The following SLC30A6 variants were observed in gnomAD, a reference collection of about 807,000 sequenced individuals.
SLC30A6 encodes the protein zinc transporter 6.
Under a neutral mutation model 63.0 loss-of-function variants are expected in SLC30A6, and 55 were observed. The ratio of observed to expected loss-of-function variants is 0.87; its 90% CI spans 0.70 to 1.09. The LOEUF is 1.09. Among genes scored for constraint, SLC30A6 ranks in the 50% least tolerant of loss-of-function variants. SLC30A6 has a pLI of 0.00. For synonymous variants in SLC30A6, 224 were observed against 186.1 expected, an observed-to-expected ratio of 1.20 and a Z score of -1.66; for missense variants, 587 against 549.2, an observed-to-expected ratio of 1.07 and a Z score of -0.69.
chr2:32,207,786 C>T (rs1573397424), intron 12 of SLC30A6, among the ~76,000 whole-genome samples: 1 of 150,370 alleles, frequency 6.7e-6, no homozygotes, highest in South Asian at 2.1e-4. Context: ...CTGCAACCTC[C>T]GCCTCCTGAG....
intron 13 of SLC30A6, among the ~76,000 whole-genome samples, chr2:32,215,505 T>TAC (rs1685619257): frequency 4.4e-5 from 4 of 91,848 alleles, no homozygotes; most frequent in Admixed American, 3.3e-4. Flanking sequence ...ATCTATTATA[T>TAC]ATATATATAT....
chr2:32,197,460 G>A, intron 9 of SLC30A6, 68 bp downstream of exon 9: 2 of 1,463,506 alleles, frequency 1.4e-6, no homozygotes, highest in Non-Finnish European at 1.9e-6. Flanking sequence ...ATCTATCATG[G>A]GAACTTAAAT....
chr2:32,202,600 G>T, intron 10 of SLC30A6: 1 of 440,204 alleles, frequency 2.3e-6, no homozygotes, highest in Non-Finnish European at 4.3e-6. Flanking sequence ...CAAAGTGCTG[G>T]GATTGCAGGC....
At chr2:32,212,997 C>G (rs1310330023) in intron 13 of SLC30A6, among the ~76,000 whole-genome samples, 1 of 147,448 alleles carries the variant, frequency 6.8e-6, no homozygotes, top group East Asian at 2.0e-4. Flanking sequence ...TCTCAAATGT[C>G]TGGGCTCAGA....
chr2:32,203,899 C>T (rs1410131448), intron 10 of SLC30A6: 47 of 907,260 alleles, frequency 5.2e-5, no homozygotes, highest in Non-Finnish European at 8.2e-5. Flanking sequence ...GTCAGTTAGA[C>T]AGAGTCCACA....
In SLC30A6 at chr2:32,215,517, T is replaced by TATATA. The variant is rs1553339788; in HGVS notation, c.886-4696_886-4695insATATA. Among the ~76,000 whole-genome samples, 633 of 89,374 alleles carry TATATA rather than the reference T, an allele frequency of 7.1e-3. 5 individuals carry two copies. The highest frequency in any genetic ancestry group is 0.036 in the Middle Eastern group (7 of 192). The allele number at this position is 89,374 out of a possible 152,430, so 58.6% of individuals were successfully genotyped here. On this transcript the variant is annotated intron_variant, in intron 13 of 13. Transcript: ENST00000282587. ...GCCATCTATTATATATATATATATATTTTTTTTTTTTTTTTAAGTTCTTAT... is the reference window on the plus strand; with the variant it reads ...GCCATCTATTATATATATATATATATATATATTTTTTTTTTTTTTTAAGTTCTTAT...
At chr2:32,169,388 G>A (rs1680978633) in intron 1 of SLC30A6, among the ~76,000 whole-genome samples, 1 of 151,938 alleles carries the variant, frequency 6.6e-6, no homozygotes, top group African/African-American at 2.4e-5. Flanking sequence ...TATTTCCTAG[G>A]CTGGTCTTGA....
chr2:32,193,970 T>C lies in SLC30A6; in HGVS notation c.483T>C (p.Ala161=). 3 of 1,612,542 alleles carry C rather than the reference T, an allele frequency of 1.9e-6. No homozygotes were observed. The highest frequency in any genetic ancestry group is 2.5e-6 in the Non-Finnish European group (3 of 1,179,192). Residue 161 remains alanine, a synonymous_variant, in exon 8 of 14, where the codon GCT becomes GCC. Transcript: ENST00000282587. Reference sequence around the variant, plus strand: ...TTTCTATTCGGAATAAACCTTTTGCTTATGTCTCAGAAGGTATGTTTTTTA... The same window carrying C: ...TTTCTATTCGGAATAAACCTTTTGCCTATGTCTCAGAAGGTATGTTTTTTA... ...TMLSIRNKPF[A]YVSEAASTSW... is the part of the protein sequence containing the mutation.
chr2:32,201,882 T>C (rs1167755205), intron 10 of SLC30A6: 6 of 1,451,624 alleles, frequency 4.1e-6, no homozygotes, highest in Non-Finnish European at 5.7e-6. Flanking sequence ...ATTACCTGGA[T>C]GCTCCCAAGA....
In SLC30A6 at chr2:32,175,827, G is replaced by T. The variant is rs114619308; in HGVS notation, c.218+466G>T. Among the ~76,000 whole-genome samples the T allele has an allele frequency of 4.6e-3, 706 of 152,076 alleles. 2 individuals carry two copies. The highest frequency in any genetic ancestry group is 7.9e-3 in the Non-Finnish European group (539 of 67,984). ...CCCGTCTCTACTAAAAATACAAATA[G>T]CCAGGCATGGTGGTGTATGCCTGTA... On this transcript the variant is annotated intron_variant, in intron 4 of 13. Transcript: ENST00000282587.
intron 10 of SLC30A6, chr2:32,203,341 A>G: frequency 3.3e-6 from 3 of 918,040 alleles, no homozygotes; most frequent in Non-Finnish European, 5.5e-6. Flanking sequence ...TTAAATGTGT[A>G]GGTATTCCTT....
chr2:32,216,579 A>AAAT (rs34876951), intron 13 of SLC30A6, among the ~76,000 whole-genome samples: 78 of 138,618 alleles, frequency 5.6e-4, no homozygotes, highest in Admixed American at 8.8e-4. Context: ...ATAAATAAAT[A>AAAT]AATAATAATA....
intron 13 of SLC30A6, among the ~76,000 whole-genome samples, chr2:32,212,885 G>T (rs1685370762): frequency 7.6e-6 from 1 of 132,068 alleles, no homozygotes; most frequent in Admixed American, 8.4e-5. Flanking sequence ...GTGAGCCACT[G>T]TGTCCAGCAT....
intron 13 of SLC30A6, among the ~76,000 whole-genome samples, chr2:32,215,869 T>TTTG (rs756271061): frequency 2.0e-5 from 3 of 151,614 alleles, no homozygotes; most frequent in Non-Finnish European, 4.4e-5. Context: ...GCTAATTTAT[T>TTTG]TTTTATAACG....
Position 32,222,513 on chromosome 2 carries a change from A to C in SLC30A6, c.*1800A>C, listed in dbSNP as rs1032134700. 3.3e-5 allele frequency: 5 copies of C among 152,136 alleles called. No homozygotes were observed. The highest frequency in any genetic ancestry group is 5.9e-5 in the Non-Finnish European group (4 of 68,028). The allele number at this position is 152,136 out of a possible 1,614,324, so 9.4% of individuals were successfully genotyped here. ...AAACATCCAAGAAGCCATCTCTGTC[A>C]AGCAGAATTGTCATCTGTGGTAATA... On this transcript the variant is annotated 3_prime_UTR_variant, in exon 14 of 14. Transcript: ENST00000282587.
intron 10 of SLC30A6, chr2:32,203,019 A>G (rs917864598): frequency 3.4e-6 from 4 of 1,189,754 alleles, no homozygotes; most frequent in South Asian, 1.2e-5. Flanking sequence ...TGAAATAGCC[A>G]TGAATCCACA....
chr2:32,170,453 G>A (rs1681097721), intron 1 of SLC30A6, among the ~76,000 whole-genome samples: 1 of 152,046 alleles, frequency 6.6e-6, no homozygotes, highest in Non-Finnish European at 1.5e-5. Context: ...GTTGCCACTT[G>A]GTCTCCTCTC....
In SLC30A6 at chr2:32,180,380, G is replaced by T. The variant is rs181113437; in HGVS notation, c.219-3893G>T. Among the ~76,000 whole-genome samples, 158 of 151,606 alleles carry T rather than the reference G, an allele frequency of 1.0e-3. 1 individual carries two copies. In the East Asian group the frequency reaches 0.027, roughly 26 times the overall value. On this transcript the variant is annotated intron_variant, in intron 4 of 13. Coordinates refer to ENST00000282587, the MANE Select transcript of SLC30A6 (RefSeq NM_017964.5). ...GATTGCACCACTGTAATCCAGTCTT[G>T]GGTCTTGGTGACACACTGATACCCT...
At chr2:32,204,489 G>A in intron 10 of SLC30A6, 101 bp from the exon 11 acceptor site, 1 of 628,642 alleles carries the variant, frequency 1.6e-6, no homozygotes, top group Non-Finnish European at 2.7e-6. Flanking sequence ...GTGTCCTGTT[G>A]CTCAGTCCTG....
Sources: allele counts gnomAD v4.1 joint callset (sites outside exome capture counted in the v4.1 genomes callset), GRCh38; gene constraint gnomAD v4.1.1; transcripts MANE v1.5; gene names NCBI Gene and HGNC (gene_info 2026-07-23, HGNC 2026-07-21).